The following ARHGAP35 variants were observed in gnomAD, a reference collection of about 807,000 sequenced individuals.
ARHGAP35 encodes Rho GTPase activating protein 35.
A neutral mutation model predicts 111.1 loss-of-function variants in ARHGAP35; 15 were observed. That is an observed-to-expected ratio of 0.13 (90% confidence interval 0.09 to 0.21). The LOEUF is 0.21. Ranked by LOEUF, ARHGAP35 falls within the 10% of genes least tolerant of loss-of-function variation. ARHGAP35 has a pLI of 1.00. For missense variants in ARHGAP35, 1,262 were observed against 1,873.0 expected (o/e 0.67, Z 6.02); for synonymous variants, 643 against 710.3 (o/e 0.91, Z 1.51).
chr19:46,963,762 C>A lies in ARHGAP35; in HGVS notation c.3827-24227C>A, dbSNP rs529103172. ...CCCATGGGACTTAATCGGTGTCCTC[C>A]ACGTAGTATGCTTTAATAATGGTTT... On this transcript the variant is annotated intron_variant, in intron 3 of 6. Transcript: ENST00000672722. 2.6e-5 allele frequency among the ~76,000 whole-genome samples: 4 copies of A among 152,206 alleles called. No homozygotes were observed. The East Asian group carries it at 7.7e-4, about 29-fold the overall frequency.
chr19:46,971,603 G>A (rs2056549979), intron 3 of ARHGAP35, among the ~76,000 whole-genome samples: 1 of 150,770 alleles, frequency 6.6e-6, no homozygotes, highest in African/African-American at 2.4e-5. Flanking sequence ...AGGTTCAAAC[G>A]ATTCTCCTGC....
chr19:46,977,863 G>A (rs2056587723), intron 3 of ARHGAP35, among the ~76,000 whole-genome samples: 1 of 152,242 alleles, frequency 6.6e-6, no homozygotes, highest in Non-Finnish European at 1.5e-5. Context: ...GCTGGTGTGA[G>A]GACTGGGTGA....
chr19:46,996,246 G>A (rs2056706798), intron 5 of ARHGAP35, among the ~76,000 whole-genome samples: 1 of 152,094 alleles, frequency 6.6e-6, no homozygotes. Context: ...TGGGATTATA[G>A]GCACACGCCA....
chr19:46,879,019 C>G (rs947143178), intron 1 of ARHGAP35, among the ~76,000 whole-genome samples: 2 of 152,150 alleles, frequency 1.3e-5, no homozygotes, highest in African/African-American at 4.8e-5. Flanking sequence ...TTTTATCCAC[C>G]GTAGAACTTC....
chr19:46,899,702 A>AAAAAAC (rs370149996), intron 1 of ARHGAP35, among the ~76,000 whole-genome samples: 2 of 151,874 alleles, frequency 1.3e-5, no homozygotes, highest in African/African-American at 2.4e-5. Context: ...CCTGTACAAA[A>AAAAAAC]AAAAACAAAA....
chr19:46,989,315 T>A lies in ARHGAP35; in HGVS notation c.3905-229T>A. 2.2e-6 allele frequency: 1 copy of A among 451,408 alleles called. No homozygotes were observed. The highest frequency in any genetic ancestry group is 4.0e-6 in the Non-Finnish European group (1 of 249,820). 28.0% of individuals were successfully genotyped at this position (451,408 alleles called of 1,614,324 possible). A position where few individuals can be genotyped will look rare whatever the true frequency, so the allele number is the denominator to read the frequency against. The stretch of plus-strand genomic sequence containing the variant: ...GGGGGTAGCACCCCTGCCCCGAGAG[T>A]GGTAGAAGGGGCAGTTCAGCAGTCT... On this transcript the variant is annotated intron_variant, in intron 4 of 6. Transcript: ENST00000672722. This position sits in a 1 kb window ranked among gnomAD's most constrained non-coding sequence, Gnocchi z 5.3.
chr19:46,905,986 ATTT>A (rs375012473), intron 1 of ARHGAP35, among the ~76,000 whole-genome samples: 3 of 141,618 alleles, frequency 2.1e-5, no homozygotes, highest in Non-Finnish European at 3.1e-5. Flanking sequence ...GCCTGGCCAC[ATTT>A]TTTTTTTTTT....
intron 3 of ARHGAP35, among the ~76,000 whole-genome samples, chr19:46,979,116 G>A (rs1352106309): frequency 6.6e-6 from 1 of 151,732 alleles, no homozygotes; most frequent in Non-Finnish European, 1.5e-5. Context: ...GGGTGTGTAT[G>A]TGGTGGATGT....
Position 46,878,788 on chromosome 19 carries a change from A to G in ARHGAP35, c.-189+17579A>G, listed in dbSNP as rs902369783. ...CCTGTAAAAATACTTTATTACTTAA[A>G]AAATGCTGGTGATCATCTGAGCCTT... On this transcript the variant is annotated intron_variant, in intron 1 of 6. Transcript: ENST00000672722. 7.2e-5 allele frequency among the ~76,000 whole-genome samples: 11 copies of G among 152,134 alleles called. No individual in the cohort carries two copies. In the South Asian group the frequency reaches 1.7e-3, roughly 23 times the overall value.
At chr19:46,925,298 G>A (rs2056231731) in intron 2 of ARHGAP35, among the ~76,000 whole-genome samples, 1 of 152,216 alleles carries the variant, frequency 6.6e-6, no homozygotes, top group Non-Finnish European at 1.5e-5. Context: ...TGCCGCTAGA[G>A]CAAACCTCCT....
chr19:46,865,266 G>A (rs1464636147), intron 1 of ARHGAP35, among the ~76,000 whole-genome samples: 3 of 152,094 alleles, frequency 2.0e-5, no homozygotes, highest in African/African-American at 7.2e-5. Flanking sequence ...GTTTTCAAGG[G>A]CTCTTGCCCT....
At chr19:46,869,881 G>A (rs930250941) in intron 1 of ARHGAP35, among the ~76,000 whole-genome samples, 4 of 151,652 alleles carry the variant, frequency 2.6e-5, no homozygotes, top group Non-Finnish European at 4.4e-5. Flanking sequence ...TAACGTTGTA[G>A]GTAGAGGCTG....
At chr19:46,996,526 G>T (rs1568490998) in intron 5 of ARHGAP35, among the ~76,000 whole-genome samples, 1 of 149,572 alleles carries the variant, frequency 6.7e-6, no homozygotes, top group African/African-American at 2.5e-5. Context: ...ATCTCTGGCA[G>T]ACCTAGGCTT....
chr19:46,976,808 C>T (rs2056582302), intron 3 of ARHGAP35, among the ~76,000 whole-genome samples: 2 of 152,208 alleles, frequency 1.3e-5, no homozygotes, highest in African/African-American at 2.4e-5. Context: ...CCTGACTGTG[C>T]CATTGAATTA....
Position 46,916,797 on chromosome 19 carries a change from A to T in ARHGAP35, c.-188-1691A>T, listed in dbSNP as rs191317681. Among the ~76,000 whole-genome samples, 20 of 151,910 alleles carry T rather than the reference A, an allele frequency of 1.3e-4. No homozygotes were observed. The East Asian group carries it at 3.9e-3, about 29-fold the overall frequency. On this transcript the variant is annotated intron_variant, in intron 1 of 6. Coordinates refer to ENST00000672722, the MANE Select transcript of ARHGAP35 (RefSeq NM_004491.5). ...ATTTGTGTTCTTACTCTTTCTGTATACATAATTTTTCCAGTGGGATCAGTT... is the reference window on the plus strand; with the variant it reads ...ATTTGTGTTCTTACTCTTTCTGTATTCATAATTTTTCCAGTGGGATCAGTT...
rs1194665973 is a variant in ARHGAP35, at chr19:46,989,575, T to C, written c.3936T>C (p.Phe1312=). Residue 1312 remains phenylalanine (F), a synonymous_variant, in exon 5 of 7, where the codon TTT becomes TTC. Coordinates refer to ENST00000672722, the MANE Select transcript of ARHGAP35 (RefSeq NM_004491.5). The surrounding 1 kb of genome is among the most constrained non-coding windows in gnomAD (Gnocchi z 5.3). ...DHNLDLAEKD[F]TVNTVAGAMK... ...ACCTGGACCTGGCAGAGAAAGACTT[T>C]ACGGTGAATACCGTGGCTGGTGCCA... 2 of 1,613,992 alleles carry C rather than the reference T, an allele frequency of 1.2e-6. No homozygotes were observed. Among genetic ancestry groups the C allele is most frequent in the Non-Finnish European group, 1.7e-6 (2 of 1,179,866 alleles).
At chr19:46,876,233 C>A (rs1360443250) in intron 1 of ARHGAP35, among the ~76,000 whole-genome samples, 1 of 150,404 alleles carries the variant, frequency 6.6e-6, no homozygotes, top group Non-Finnish European at 1.5e-5. Context: ...GAGACAGGAT[C>A]TCACCCACGT....
chr19:46,922,293 A>G lies in ARHGAP35; in HGVS notation c.3618A>G (p.Pro1206=), dbSNP rs747302292. 3.7e-6 allele frequency: 6 copies of G among 1,613,714 alleles called. No individual in the cohort carries two copies. In the African/African-American group the frequency reaches 6.7e-5, roughly 18 times the overall value. Residue 1206 remains proline, a synonymous_variant, in exon 2 of 7, where the codon CCA becomes CCG. Transcript: ENST00000672722. The surrounding 1 kb of genome is among the most constrained non-coding windows in gnomAD (Gnocchi z 4.0). ...ATAAAGGGGACAATGCTGTCATTCC[A>G]TACGAAACAGACGAAGACCCGCGGA... ...QGYKGDNAVI[P]YETDEDPRRR... is the part of the protein sequence containing the mutation.
chr19:46,879,534 C>A (rs370185980), intron 1 of ARHGAP35, among the ~76,000 whole-genome samples: 1 of 151,330 alleles, frequency 6.6e-6, no homozygotes, highest in African/African-American at 2.4e-5. Context: ...TTGCAGTGAG[C>A]CAAGATCGCG....
Sources: allele counts gnomAD v4.1 joint callset (sites outside exome capture counted in the v4.1 genomes callset), GRCh38; gene constraint gnomAD v4.1.1; non-coding constraint Gnocchi (gnomAD v3.1); transcripts MANE v1.5; gene names NCBI Gene and HGNC (gene_info 2026-07-23, HGNC 2026-07-21).